Variants in ANAPC7 observed in about 807,000 individuals in gnomAD.
The protein encoded by ANAPC7 is anaphase promoting complex subunit 7, also known as anaphase-promoting complex subunit 7.
ANAPC7 carries 25 observed loss-of-function variants against 63.3 expected under a neutral mutation model. The observed-to-expected ratio is 0.39, with a 90% CI of 0.29 to 0.55. The LOEUF (loss-of-function observed/expected upper bound fraction) is 0.55, where lower values mean the gene tolerates loss of function less well. Ranked by LOEUF, ANAPC7 falls within the 20% of genes least tolerant of loss-of-function variation. The probability of loss-of-function intolerance (pLI) is 0.57; values close to 1 mark genes in which losing one functional copy is unlikely to be tolerated. For missense variants in ANAPC7, 516 were observed against 691.7 expected (o/e 0.75, Z 2.85); for synonymous variants, 241 against 251.7 (o/e 0.96, Z 0.40).
At chr12:110,391,063 G>A (rs1050784582) in intron 3 of ANAPC7, among the ~76,000 whole-genome samples, 4 of 152,078 alleles carry the variant, frequency 2.6e-5, no homozygotes, top group African/African-American at 7.2e-5. Context: ...AGCGGTACGC[G>A]CCTGTAGTAC....
At chr12:110,398,512 A>G (rs993956912) in intron 1 of ANAPC7, among the ~76,000 whole-genome samples, 4 of 152,236 alleles carry the variant, frequency 2.6e-5, no homozygotes, top group African/African-American at 9.6e-5. Flanking sequence ...CAATGTTTTA[A>G]AACTGTTTAA....
chr12:110,386,838 T>C (rs1286247768), intron 5 of ANAPC7: 1 of 169,790 alleles, frequency 5.9e-6, no homozygotes. Flanking sequence ...TATCTGAATA[T>C]AAAGAAAATC....
chr12:110,399,976 C>A (rs1039695661), intron 1 of ANAPC7, among the ~76,000 whole-genome samples: 7 of 151,322 alleles, frequency 4.6e-5, no homozygotes, highest in African/African-American at 1.5e-4. Flanking sequence ...CGCCTGTAAT[C>A]CCAGCTACTT....
intron 3 of ANAPC7, among the ~76,000 whole-genome samples, chr12:110,391,505 C>A (rs1883081435): frequency 1.3e-5 from 2 of 152,156 alleles, no homozygotes. Context: ...AACTCCCTAA[C>A]AGACAAGAAA....
chr12:110,377,397 T>TA lies in ANAPC7; in HGVS notation c.1352dup (p.Leu452ThrfsTer2). The TA allele has an allele frequency of 6.2e-7, 1 of 1,612,344 alleles. No individual in the cohort carries two copies. Among genetic ancestry groups the TA allele is most frequent in the Non-Finnish European group, 8.5e-7 (1 of 1,178,564 alleles). ...CAGAAAATAAGACACACTTACTAAGTAGTTCTGCTTTTTTCACCACAGCCT... is the reference window on the plus strand; with the variant it reads ...CAGAAAATAAGACACACTTACTAAGTAAGTTCTGCTTTTTTCACCACAGCCT... On this transcript the variant is annotated frameshift_variant, in exon 9 of 11. Transcript: ENST00000455511. LOFTEE classifies it high-confidence loss of function.
intron 3 of ANAPC7, among the ~76,000 whole-genome samples, chr12:110,389,347 G>A (rs1882903030): frequency 6.6e-6 from 1 of 152,166 alleles, no homozygotes; most frequent in Admixed American, 6.5e-5. Context: ...AGCTAGTTAA[G>A]AAGGATCAGC....
Position 110,381,465 on chromosome 12 carries a change from T to G in ANAPC7, c.1132+287A>C, listed in dbSNP as rs183512687. Reference sequence around the variant, plus strand: ...GATTATCCTGCTTCAGCCTCCCAAGTAGCTGGGACTACAGGTGTGAGCCAC... The same window carrying G: ...GATTATCCTGCTTCAGCCTCCCAAGGAGCTGGGACTACAGGTGTGAGCCAC... On this transcript the variant is annotated intron_variant, in intron 8 of 10. Coordinates refer to ENST00000455511, the MANE Select transcript of ANAPC7 (RefSeq NM_016238.3). Among the ~76,000 whole-genome samples the G allele has an allele frequency of 5.6e-3, 851 of 152,272 alleles. 5 individuals carry two copies. The highest frequency in any genetic ancestry group is 7.8e-3 in the Non-Finnish European group (533 of 68,020).
chr12:110,380,601 A>C (rs1881731001), intron 8 of ANAPC7, among the ~76,000 whole-genome samples: 1 of 149,484 alleles, frequency 6.7e-6, no homozygotes, highest in Non-Finnish European at 1.5e-5. Flanking sequence ...CAATGAGCCA[A>C]GATCATGCCA....
At chr12:110,400,250 A>T (rs1276522687) in intron 1 of ANAPC7, among the ~76,000 whole-genome samples, 1 of 152,236 alleles carries the variant, frequency 6.6e-6, no homozygotes, top group Non-Finnish European at 1.5e-5. Context: ...TATGCATATA[A>T]GATACATGTC....
At chr12:110,377,765 G>A in intron 8 of ANAPC7, 148 bp from the exon 9 acceptor site, 1 of 1,474,384 alleles carries the variant, frequency 6.8e-7, no homozygotes, top group Non-Finnish European at 9.0e-7. Flanking sequence ...AGACTGGCAA[G>A]AGTGTTGATG....
chr12:110,401,405 G>A (rs28562304), intron 1 of ANAPC7, among the ~76,000 whole-genome samples: 195 of 152,250 alleles, frequency 1.3e-3, no homozygotes, highest in African/African-American at 4.6e-3. Flanking sequence ...CAGCCACTGC[G>A]CTTTCAATTG....
chr12:110,396,325 T>C lies in ANAPC7; in HGVS notation c.229A>G (p.Ser77Gly), dbSNP rs765033413. The C allele has an allele frequency of 2.5e-6, 4 of 1,614,000 alleles. No individual in the cohort carries two copies. The Admixed American group carries it at 6.7e-5, about 27-fold the overall frequency. The change falls in exon 2 of 11, where the codon AGT (serine) becomes GGT (glycine). Residue 77 changes from serine (S) to glycine (G), a missense_variant. By Grantham distance (56) the Ser-to-Gly change is moderately conservative. This residue lies in a region of ANAPC7 where 185 missense variants were observed against 200.3 expected (regional missense o/e 0.92). Coordinates refer to ENST00000455511, the MANE Select transcript of ANAPC7 (RefSeq NM_016238.3). ...GAAGGTCTCACTTTTGAAGTTTTAC[T>C]TAGCGCTTTCTTCTGCTGTAAAGCC... is the stretch of plus-strand genomic sequence containing the variant. ...TMALQQKKAL[S>G]KTSKVRPSTG...
Position 110,381,963 on chromosome 12 carries a change from A to AG in ANAPC7, c.936-16_936-15insC, listed in dbSNP as rs751929988. 1 of 1,517,300 alleles carries AG rather than the reference A, an allele frequency of 6.6e-7. No individual in the cohort carries two copies. Among genetic ancestry groups the AG allele is most frequent in the Non-Finnish European group, 8.8e-7 (1 of 1,141,914 alleles). The allele number at this position is 1,517,300 out of a possible 1,614,324, so 94.0% of individuals were successfully genotyped here. ...AGCTGTGACAGCTGGAGAAAAAAAA[A>AG]AAAAAAAAAACACAAAAACCCCAGA... On this transcript the variant is annotated splice_polypyrimidine_tract_variant and intron_variant, in intron 7 of 10. Transcript: ENST00000455511.
At position 110,394,321 on chromosome 12, in the gene ANAPC7, T is replaced by C. The variant is rs968093430; in HGVS notation, c.408+780A>G. 4.0e-5 allele frequency among the ~76,000 whole-genome samples: 6 copies of C among 151,126 alleles called. No individual in the cohort carries two copies. The East Asian group carries it at 1.0e-3, about 25-fold the overall frequency. On this transcript the variant is annotated intron_variant, in intron 3 of 10. Coordinates refer to ENST00000455511, the MANE Select transcript of ANAPC7 (RefSeq NM_016238.3). Reference sequence around the variant, plus strand: ...ACCTGGGCAACACAGTGGAACCTTATCTCTACCAAAAATAAAAAAAATTGG... The same window carrying C: ...ACCTGGGCAACACAGTGGAACCTTACCTCTACCAAAAATAAAAAAAATTGG...
At chr12:110,378,337 G>C (rs1454579536) in intron 8 of ANAPC7, among the ~76,000 whole-genome samples, 1 of 152,150 alleles carries the variant, frequency 6.6e-6, no homozygotes, top group Non-Finnish European at 1.5e-5. Context: ...CAGGTGATCC[G>C]CCCAGCTCAG....
intron 5 of ANAPC7, chr12:110,386,965 C>T (rs1236341773): frequency 6.6e-6 from 1 of 152,666 alleles, no homozygotes; most frequent in Non-Finnish European, 1.5e-5. Context: ...CATGGTGGCT[C>T]ACGTCTATAA....
At chr12:110,384,868 G>C (rs1282460824) in intron 6 of ANAPC7, among the ~76,000 whole-genome samples, 1 of 152,126 alleles carries the variant, frequency 6.6e-6, no homozygotes, top group African/African-American at 2.4e-5. Context: ...CAGAGTTCTA[G>C]ACCATCAGAA....
At chr12:110,374,407 GC>G in intron 10 of ANAPC7, 74 bp from the exon 11 acceptor site, 1 of 1,461,202 alleles carries the variant, frequency 6.8e-7, no homozygotes, top group South Asian at 1.3e-5. Flanking sequence ...CATCTCCCTG[GC>G]CCGGCAGTGA....
At chr12:110,388,807 G>A (rs1412087243) in intron 3 of ANAPC7, among the ~76,000 whole-genome samples, 184 bp from the exon 4 acceptor site, 1 of 152,120 alleles carries the variant, frequency 6.6e-6, no homozygotes, top group Non-Finnish European at 1.5e-5. Flanking sequence ...TTGGCCAGGT[G>A]CAGTGGCTCA....
Sources: allele counts gnomAD v4.1 joint callset (sites outside exome capture counted in the v4.1 genomes callset), GRCh38; gene constraint gnomAD v4.1.1; regional missense constraint gnomAD v4.1.1; transcripts MANE v1.5; gene names NCBI Gene and HGNC (gene_info 2026-07-23, HGNC 2026-07-21).